The following HSPG2 variants were observed in gnomAD, a reference collection of about 807,000 sequenced individuals.
HSPG2 encodes the protein heparan sulfate proteoglycan 2.
HSPG2 carries 278 observed loss-of-function variants against 526.6 expected under a neutral mutation model. That is an observed-to-expected ratio of 0.53 (90% CI 0.48 to 0.58). HSPG2 has a LOEUF of 0.58. Ranked by LOEUF, HSPG2 falls within the 20% of genes least tolerant of loss-of-function variation. HSPG2 has a pLI of 0.00. For missense variants in HSPG2, 5,354 were observed against 6,099.5 expected (o/e 0.88, Z 4.07); for synonymous variants, 2,465 against 2,555.4 (o/e 0.96, Z 1.07).
intron 1 of HSPG2, among the ~76,000 whole-genome samples, chr1:21,936,149 T>C (rs527663278): frequency 6.6e-6 from 1 of 152,036 alleles, no homozygotes; most frequent in South Asian, 2.1e-4. Context: ...CTCCCCACGG[T>C]AGGCTCGGCT....
At position 21,881,472 on chromosome 1, in the gene HSPG2, C is replaced by A. The variant is rs1322778348; in HGVS notation, c.1685G>T (p.Gly562Val). 2.5e-6 allele frequency: 4 copies of A among 1,612,710 alleles called. No homozygotes were observed. Among genetic ancestry groups the A allele is most frequent in the Admixed American group, 1.7e-5 (1 of 60,024 alleles). ...CTGCGTGGAGGAGAGGGGTGGCGTG[C>A]CGGGCTGCGCAGGCATTGTCACATT... ...GVNVTMPAQP[G>V]TPPLSSTQLQ... The change falls in exon 14 of 97, where the codon GGC (glycine) becomes GTC (valine). Residue 562 changes from glycine to valine, a missense_variant. Transcript: ENST00000374695.
intron 64 of HSPG2, among the ~76,000 whole-genome samples, chr1:21,845,406 T>C (rs2152709989): frequency 6.6e-6 from 1 of 152,110 alleles, no homozygotes; most frequent in East Asian, 1.9e-4. Context: ...GGAGACAGAG[T>C]CTCACTTTGT....
intron 49 of HSPG2, 97 bp downstream of exon 49, chr1:21,854,514 G>A: frequency 1.4e-6 from 2 of 1,461,982 alleles, no homozygotes; most frequent in Non-Finnish European, 1.8e-6. Flanking sequence ...GGAACGTGTG[G>A]GGCAGTGTGC....
chr1:21,932,695 C>T (rs1027674333), intron 1 of HSPG2, among the ~76,000 whole-genome samples: 1 of 152,150 alleles, frequency 6.6e-6, no homozygotes, highest in African/African-American at 2.4e-5. Flanking sequence ...ATGGATATTA[C>T]GGGGACAAAT....
chr1:21,909,912 C>G (rs891319962), intron 1 of HSPG2, among the ~76,000 whole-genome samples: 1 of 152,234 alleles, frequency 6.6e-6, no homozygotes. Flanking sequence ...GGCACAGAGC[C>G]GTCCCTGGGA....
rs757364480 is a variant in HSPG2, at chr1:21,874,413, C to T, written c.3649G>A (p.Ala1217Thr). The T allele has an allele frequency of 7.4e-6, 12 of 1,611,388 alleles. No homozygotes were observed. The highest frequency in any genetic ancestry group is 1.3e-5 in the African/African-American group (1 of 74,968). ...QLCPCYGDPA[A>T]GQAAHTCFLD... ...GGCAGGGACTGGACGCACTGGCCGG[C>T]AGCAGGGTCTCCGTAGCAGGGGCAC... Residue 1217 changes from alanine to threonine, a missense_variant, in exon 28 of 97, where the codon GCC becomes ACC. Coordinates refer to ENST00000374695, the MANE Select transcript of HSPG2 (RefSeq NM_005529.7).
chr1:21,863,377 A>G (rs1334516334), intron 37 of HSPG2, among the ~76,000 whole-genome samples: 1 of 152,072 alleles, frequency 6.6e-6, no homozygotes, highest in African/African-American at 2.4e-5. Context: ...TCTTGAAAAA[A>G]AAAAGAAAAA....
chr1:21,905,285 C>T (rs578002768), intron 1 of HSPG2, among the ~76,000 whole-genome samples: 6 of 151,606 alleles, frequency 4.0e-5, no homozygotes, highest in African/African-American at 1.5e-4. Context: ...ACACACGCCA[C>T]GCTCCAACCT....
In HSPG2 at chr1:21,904,870, C is replaced by A. The variant is rs543649034; in HGVS notation, c.64-8560G>T. ...GCTCCCAGCTGCCCTGCTGCCCTGG[C>A]AGGTCTGTGGGGCTTCAAGGGCACA... is the stretch of plus-strand genomic sequence containing the variant. On this transcript the variant is annotated intron_variant, in intron 1 of 96. Transcript: ENST00000374695. The surrounding 1 kb of genome is among the most constrained non-coding windows in gnomAD (Gnocchi z 4.4). 2.0e-5 allele frequency among the ~76,000 whole-genome samples: 3 copies of A among 152,312 alleles called. No individual in the cohort carries two copies. Among genetic ancestry groups the A allele is most frequent in the African/African-American group, 7.2e-5 (3 of 41,566 alleles).
intron 1 of HSPG2, among the ~76,000 whole-genome samples, chr1:21,914,688 A>G (rs751738894): frequency 5.8e-4 from 89 of 152,154 alleles, no homozygotes; most frequent in Non-Finnish European, 1.1e-3. Context: ...CTTGTCACTC[A>G]TGGGCTAGAG....
chr1:21,905,171 C>CACACACACACACA (rs1557816019), intron 1 of HSPG2, among the ~76,000 whole-genome samples: 1 of 81,818 alleles, frequency 1.2e-5, no homozygotes, highest in African/African-American at 3.6e-5. Flanking sequence ...CACCACCCAC[C>CACACACACACACA]CACACACACA....
In HSPG2 at chr1:21,828,417, T is replaced by A; in HGVS notation, c.12247A>T (p.Asn4083Tyr). The part of the protein sequence containing the change: ...FRGCVGEVSV[N>Y]GKRLDLTYSF... The stretch of plus-strand genomic sequence containing the variant: ...TAGGTGAGGTCCAGCCGTTTGCCAT[T>A]CACTGACACCTGTGGGGACAGGGAC... The change falls in exon 89 of 97, where the codon AAT (asparagine) becomes TAT (tyrosine). Residue 4083 changes from asparagine to tyrosine, a missense_variant. Physicochemically the swap from Asn to Tyr is moderately radical, Grantham distance 143. Coordinates refer to ENST00000374695, the MANE Select transcript of HSPG2 (RefSeq NM_005529.7). The surrounding 1 kb of genome is among the most constrained non-coding windows in gnomAD (Gnocchi z 6.0). The A allele has an allele frequency of 6.2e-7, 1 of 1,613,406 alleles. No homozygotes were observed. Among genetic ancestry groups the A allele is most frequent in the Non-Finnish European group, 8.5e-7 (1 of 1,179,984 alleles).
At chr1:21,853,757 AAAATAAAAT>A (rs1639103914) in intron 50 of HSPG2, 7 of 147,972 alleles carry the variant, frequency 4.7e-5, no homozygotes, top group South Asian at 3.9e-4. Flanking sequence ...TCAAAAAAAT[AAAATAAAAT>A]AAAATAAAAT....
chr1:21,934,683 C>T (rs1644437633), intron 1 of HSPG2, among the ~76,000 whole-genome samples: 1 of 151,948 alleles, frequency 6.6e-6, no homozygotes, highest in African/African-American at 2.4e-5. Context: ...GCAAGCTCCG[C>T]CTCCCGGGTT....
chr1:21,874,753 G>A (rs1334686649), intron 26 of HSPG2, 24 bp from the exon 27 acceptor site: 1 of 1,572,964 alleles, frequency 6.4e-7, no homozygotes, highest in Non-Finnish European at 8.7e-7. Flanking sequence ...GATGGCAGTG[G>A]GAGGGACTTC....
In HSPG2 at chr1:21,875,687, C is replaced by T. The variant is rs756700626; in HGVS notation, c.3244G>A (p.Ala1082Thr). ...ATREHLLMAL[A>T]GIDTLLIRAS... ...CGGATCAGGAGGGTGTCGATGCCTG[C>T]CAGTGCCATCAGCAGGTGCTCCCGT... The change falls in exon 25 of 97, where the codon GCA becomes ACA. Residue 1082 changes from alanine (A) to threonine (T), a missense_variant. Transcript: ENST00000374695. The T allele has an allele frequency of 6.5e-5, 105 of 1,604,438 alleles. 1 individual carries two copies. Among genetic ancestry groups the T allele is most frequent in the Non-Finnish European group, 8.8e-5 (104 of 1,179,970 alleles).
intron 74 of HSPG2, among the ~76,000 whole-genome samples, 173 bp downstream of exon 74, chr1:21,838,652 G>A (rs1202355375): frequency 2.0e-5 from 3 of 152,212 alleles, no homozygotes; most frequent in Non-Finnish European, 4.4e-5. Context: ...CACACATGAT[G>A]GAGGGCTTCC....
chr1:21,831,263 C>T lies in HSPG2; in HGVS notation c.11514G>A (p.Thr3838=), dbSNP rs374249479. The T allele has an allele frequency of 1.7e-5, 27 of 1,613,876 alleles. No homozygotes were observed. In the East Asian group the frequency reaches 2.2e-4, roughly 13 times the overall value. The change falls in exon 84 of 97, where the codon ACG becomes ACA. Residue 3838 remains threonine (T), a synonymous_variant. Transcript: ENST00000374695. ...TGGGGCAGTGGGAGATGCCGTGCGC[C>T]GTGAGGTTGAGGTCATGGAAGACGA... ...EEIVFHDLNL[T]AHGISHCPTC...
chr1:21,826,789 G>A (rs543462569), intron 91 of HSPG2, among the ~76,000 whole-genome samples: 168 of 152,272 alleles, frequency 1.1e-3, no homozygotes, highest in Middle Eastern at 3.4e-3. Context: ...GATTACAGGC[G>A]TGAGCCAGTG....
Sources: allele counts gnomAD v4.1 joint callset (sites outside exome capture counted in the v4.1 genomes callset), GRCh38; gene constraint gnomAD v4.1.1; non-coding constraint Gnocchi (gnomAD v3.1); transcripts MANE v1.5; gene names NCBI Gene and HGNC (gene_info 2026-07-23, HGNC 2026-07-21).